The following CLVS1 variants were observed in gnomAD, a reference collection of about 807,000 sequenced individuals.
CLVS1 encodes clavesin-1.
CLVS1 carries 10 observed loss-of-function variants against 33.1 expected under a neutral mutation model. The ratio of observed to expected loss-of-function variants is 0.30; its 90% CI spans 0.19 to 0.51. CLVS1 has a LOEUF of 0.51. CLVS1 is among the 20% of genes least tolerant of loss of function. The probability of loss-of-function intolerance (pLI) is 0.97; values close to 1 mark genes in which losing one functional copy is unlikely to be tolerated. For missense variants in CLVS1, 343 were observed against 433.4 expected (o/e 0.79, Z 1.85); for synonymous variants, 163 against 166.1 (o/e 0.98, Z 0.14).
intron 1 of CLVS1, among the ~76,000 whole-genome samples, chr8:61,065,228 A>G (rs750152482): frequency 6.6e-6 from 1 of 152,254 alleles, no homozygotes; most frequent in Non-Finnish European, 1.5e-5. Context: ...CAGATTCCTT[A>G]TAATACCTAA....
intron 2 of CLVS1, among the ~76,000 whole-genome samples, chr8:61,221,498 T>C (rs952379650): frequency 1.1e-4 from 16 of 152,296 alleles, no homozygotes; most frequent in African/African-American, 3.8e-4. Flanking sequence ...TATTGATTTG[T>C]GTATGTTGAA....
chr8:61,193,599 T>C (rs1461811956), intron 2 of CLVS1, among the ~76,000 whole-genome samples: 1 of 151,954 alleles, frequency 6.6e-6, no homozygotes, highest in Admixed American at 6.6e-5. Flanking sequence ...GACGAGGAAA[T>C]GTTTTCAGTG....
At chr8:61,201,434 C>A (rs1807730138) in intron 2 of CLVS1, among the ~76,000 whole-genome samples, 1 of 152,090 alleles carries the variant, frequency 6.6e-6, no homozygotes, top group Admixed American at 6.6e-5. Flanking sequence ...AATCCAGTGT[C>A]TTTTTGATAA....
At chr8:61,088,940 T>C (rs1345206610) in intron 1 of CLVS1, among the ~76,000 whole-genome samples, 1 of 152,006 alleles carries the variant, frequency 6.6e-6, no homozygotes, top group African/African-American at 2.4e-5. Context: ...TAGCTGGGAC[T>C]ACAGGCGCCT....
chr8:61,167,857 G>A (rs963222730), intron 2 of CLVS1, among the ~76,000 whole-genome samples: 13 of 152,126 alleles, frequency 8.5e-5, no homozygotes, highest in South Asian at 2.1e-4. Context: ...GTTTACAAAT[G>A]CCATGGCAAT....
At chr8:61,292,563 T>A (rs1374614836) in intron 1 of CLVS1, 3 of 333,144 alleles carry the variant, frequency 9.0e-6, no homozygotes, top group Middle Eastern at 4.4e-4. Flanking sequence ...AGGTTTTTGT[T>A]TGTTTGTTTG....
chr8:61,147,657 A>G (rs937969896), intron 2 of CLVS1, among the ~76,000 whole-genome samples: 1 of 152,256 alleles, frequency 6.6e-6, no homozygotes, highest in Non-Finnish European at 1.5e-5. Context: ...AGGCAAAAAC[A>G]AATGGAACTT....
intron 1 of CLVS1, among the ~76,000 whole-genome samples, chr8:61,126,808 T>G (rs534398497): frequency 6.6e-6 from 1 of 152,174 alleles, no homozygotes; most frequent in African/African-American, 2.4e-5. Context: ...GGACTTATTC[T>G]CTCCTGCTTT....
chr8:61,235,355 A>G (rs1406204956), intron 2 of CLVS1, among the ~76,000 whole-genome samples: 1 of 152,220 alleles, frequency 6.6e-6, no homozygotes, highest in Non-Finnish European at 1.5e-5. Flanking sequence ...AAATGCTTTA[A>G]AAAAAGTGGT....
intron 5 of CLVS1, among the ~76,000 whole-genome samples, chr8:61,469,128 C>T (rs755178997): frequency 2.0e-5 from 3 of 152,322 alleles, no homozygotes; most frequent in Admixed American, 2.0e-4. Flanking sequence ...ATTTACTGAG[C>T]ATTTTCTCTG....
chr8:61,496,361 C>G (rs979268528), intron 5 of CLVS1, among the ~76,000 whole-genome samples: 1 of 152,118 alleles, frequency 6.6e-6, no homozygotes, highest in African/African-American at 2.4e-5. Context: ...GGAGGTTGGC[C>G]TGTGTCTCTG....
At chr8:61,240,894 GTT>G (rs549955338) in intron 2 of CLVS1, among the ~76,000 whole-genome samples, 3 of 130,590 alleles carry the variant, frequency 2.3e-5, no homozygotes, top group Admixed American at 7.5e-5. Context: ...TTTGCTGTAG[GTT>G]TTTTTTTTTT....
intron 2 of CLVS1, among the ~76,000 whole-genome samples, chr8:61,232,041 T>TTTG (rs1554548396): frequency 3.4e-5 from 4 of 116,018 alleles, no homozygotes; most frequent in East Asian, 2.7e-4. Context: ...TTTTTTTTTT[T>TTTG]TTTTTTTTTG....
intron 1 of CLVS1, among the ~76,000 whole-genome samples, chr8:61,094,172 C>T (rs1369786346): frequency 2.6e-5 from 4 of 152,314 alleles, no homozygotes; most frequent in Non-Finnish European, 2.9e-5. Context: ...CTGCTGGACT[C>T]GCCTGTGGCC....
At chr8:61,497,403 C>CAA (rs1804302919) in intron 5 of CLVS1, among the ~76,000 whole-genome samples, 1 of 143,862 alleles carries the variant, frequency 7.0e-6, no homozygotes, top group Admixed American at 7.2e-5. Flanking sequence ...TGTTGTCAAC[C>CAA]AAGGAGGTTC....
At chr8:61,149,575 ACAAAAC>A (rs1806487732) in intron 2 of CLVS1, among the ~76,000 whole-genome samples, 1 of 148,636 alleles carries the variant, frequency 6.7e-6, no homozygotes, top group African/African-American at 2.5e-5. Flanking sequence ...AAAACAAAAA[ACAAAAC>A]AAAAAGAAAA....
the CLVS1 span, among the ~76,000 whole-genome samples, chr8:61,015,720 G>C: frequency 1.8e-4 from 27 of 152,310 alleles, 1 homozygote; most frequent in East Asian, 2.9e-3. Context: ...CCTACCTTTT[G>C]TTCCCTCAAA....
At chr8:61,390,058 C>G (rs1389161682) in intron 3 of CLVS1, among the ~76,000 whole-genome samples, 1 of 152,118 alleles carries the variant, frequency 6.6e-6, no homozygotes, top group Non-Finnish European at 1.5e-5. Context: ...ATAATATTGT[C>G]TAAACTCAAC....
At chr8:61,136,860 G>A (rs1302988157) in intron 2 of CLVS1, among the ~76,000 whole-genome samples, 1 of 152,104 alleles carries the variant, frequency 6.6e-6, no homozygotes, top group Non-Finnish European at 1.5e-5. Context: ...GAAAACAAAG[G>A]GCAGTGATTT....
Sources: gnomAD v4.1 joint callset for allele counts (sites outside exome capture counted in the v4.1 genomes callset) on GRCh38, gnomAD v4.1.1 for gene constraint, MANE v1.5 for transcripts, NCBI Gene and HGNC (gene_info 2026-07-23, HGNC 2026-07-21) for gene names.